The following SRP19 variants were observed in gnomAD, a reference collection of about 807,000 sequenced individuals.
SRP19 encodes the protein signal recognition particle 19.
A neutral mutation model predicts 22.4 loss-of-function variants in SRP19; 11 were observed. The ratio of observed to expected loss-of-function variants is 0.49; its 90% CI spans 0.31 to 0.81. The LOEUF (loss-of-function observed/expected upper bound fraction) is 0.81. Among genes scored for constraint, SRP19 ranks in the 40% least tolerant of loss-of-function variants. The pLI, the probability that SRP19 is intolerant of heterozygous loss-of-function variation, is 0.05. For synonymous variants in SRP19, 61 were observed against 57.6 expected (o/e 1.06, Z -0.27); for missense variants, 168 against 175.9 (o/e 0.96, Z 0.25).
chr5:112,892,018 G>T (rs1335347224), exon 5 of SRP19: 2 of 1,316,012 alleles, frequency 1.5e-6, no homozygotes, highest in South Asian at 2.3e-5. Context: ...GAGAGAAGAG[G>T]AGGAGCAGAA....
intron 4 of SRP19, chr5:112,877,775 G>C (rs1767942655): frequency 6.6e-6 from 1 of 152,158 alleles, no homozygotes; most frequent in African/African-American, 2.4e-5. Flanking sequence ...CATGTAATCA[G>C]AGGTGGACAA....
rs1561640069 is a variant in SRP19, at chr5:112,867,488, T to G, written c.386T>G (p.Leu129Arg). Residue 129 changes from leucine to arginine, a missense_variant, in exon 5 of 5, where the codon CTT becomes CGT. By Grantham distance (102) the Leu-to-Arg change is moderately radical. Transcript: ENST00000505459. ...TQKTGGADQS[L>R]QQGEGSKKGK... ...AAAACAGGAGGTGCTGACCAAAGTC[T>G]TCAACAAGGAGAGGGAAGTAAAAAA... The G allele has an allele frequency of 6.2e-7, 1 of 1,613,676 alleles. No homozygotes were observed. Among genetic ancestry groups the G allele is most frequent in the East Asian group, 2.2e-5 (1 of 44,832 alleles).
exon 5 of SRP19, chr5:112,892,173 C>T: frequency 6.2e-7 from 1 of 1,614,210 alleles, no homozygotes; most frequent in East Asian, 2.2e-5. Context: ...CTAATTGTCC[C>T]TTCTACAGTA....
chr5:112,882,619 C>T (rs73220063), intron 4 of SRP19, among the ~76,000 whole-genome samples: 9,314 of 152,242 alleles, frequency 0.061, 702 homozygotes, highest in African/African-American at 0.18. Flanking sequence ...TCCATTTACT[C>T]TCCAACTGTC....
chr5:112,873,040 C>A (rs1367642288), downstream of SRP19, among the ~76,000 whole-genome samples: 1 of 149,668 alleles, frequency 6.7e-6, no homozygotes, highest in Non-Finnish European at 1.5e-5. Context: ...TTATCATGAT[C>A]CTGGTTCCAG....
intron 4 of SRP19, 83 bp downstream of exon 4, chr5:112,864,815 A>G (rs540913538): frequency 9.4e-6 from 10 of 1,062,830 alleles, no homozygotes; most frequent in Non-Finnish European, 1.1e-5. Context: ...ACTGAAAGGT[A>G]AAAGTCAGAA....
chr5:112,871,335 GTCTC>G (rs1337095411), downstream of SRP19, among the ~76,000 whole-genome samples: 1 of 146,266 alleles, frequency 6.8e-6, no homozygotes, highest in Non-Finnish European at 1.5e-5. Flanking sequence ...TTTGAGACAG[GTCTC>G]TCTTTTTCAC....
rs73789238 is a variant in SRP19 at position 112,884,139 on chromosome 5, T to A, written c.302-7464T>A. ...GCATCTTATTAAAACACAGGACAGA[T>A]CATTTTGCTTCTGTGGTTAAAAGTC... is the stretch of plus-strand genomic sequence containing the variant. On this transcript the variant is annotated intron_variant, in intron 4 of 4. Coordinates refer to the SRP19 transcript ENST00000391338. Among the ~76,000 whole-genome samples, 1,135 of 152,286 alleles carry A rather than the reference T, an allele frequency of 7.5e-3. 11 individuals are homozygous for A. Among genetic ancestry groups the A allele is most frequent in the African/African-American group, 0.026 (1,065 of 41,554 alleles).
At chr5:112,884,782 C>G (rs1027212023) in intron 4 of SRP19, among the ~76,000 whole-genome samples, 4 of 151,498 alleles carry the variant, frequency 2.6e-5, no homozygotes, top group South Asian at 2.1e-4. Context: ...GTCCTTGGCC[C>G]CCCCCCATCT....
chr5:112,891,948 A>G (rs1302335893), exon 5 of SRP19: 2 of 1,254,840 alleles, frequency 1.6e-6, no homozygotes, highest in Admixed American at 1.7e-5. Context: ...CGGCTAAAAA[A>G]TGGCTAGAAG....
Position 112,868,461 on chromosome 5 carries a change from C to A in SRP19, c.*924C>A. The A allele has an allele frequency of 1.2e-6, 1 of 830,638 alleles. No individual in the cohort carries two copies. The allele number at this position is 830,638 out of a possible 1,614,324, so 51.5% of individuals were successfully genotyped here. On this transcript the variant is annotated 3_prime_UTR_variant, in exon 5 of 5. Transcript: ENST00000505459. ...TGTTGCCTAGGCTGGAGTGCAATGG[C>A]ACGATATCGGCGTACCACAACCTCT... is the stretch of plus-strand genomic sequence containing the variant.
At chr5:112,893,669 C>G (rs193174669), downstream of SRP19, 1 of 152,454 alleles carries the variant, frequency 6.6e-6, no homozygotes, top group Non-Finnish European at 1.5e-5. Flanking sequence ...CTAGTAGTCT[C>G]GCTACACATG....
At chr5:112,862,055 T>C (rs1767419395) in intron 1 of SRP19, among the ~76,000 whole-genome samples, 1 of 152,050 alleles carries the variant, frequency 6.6e-6, no homozygotes, top group Non-Finnish European at 1.5e-5. Flanking sequence ...ATCTGTTGAG[T>C]GTAGTTGTCC....
downstream of SRP19, among the ~76,000 whole-genome samples, chr5:112,873,257 G>A (rs1561642167): frequency 2.6e-5 from 3 of 114,188 alleles, no homozygotes; most frequent in South Asian, 8.8e-4. Context: ...CTGCTGGTCT[G>A]ATCCTCAGGT....
intron 4 of SRP19, chr5:112,877,278 A>T (rs1219716942): frequency 3.9e-5 from 6 of 152,162 alleles, no homozygotes; most frequent in Non-Finnish European, 8.8e-5. Context: ...CCTGATTGTT[A>T]TCTCAAGGTG....
At chr5:112,875,178 CTT>C (rs1767866355) in intron 4 of SRP19, among the ~76,000 whole-genome samples, 1 of 152,180 alleles carries the variant, frequency 6.6e-6, no homozygotes, top group Admixed American at 6.5e-5. Flanking sequence ...GCCAGGAAAA[CTT>C]TTAATATCCT....
chr5:112,890,347 A>G (rs977045063), intron 4 of SRP19, among the ~76,000 whole-genome samples: 2 of 146,862 alleles, frequency 1.4e-5, no homozygotes, highest in Non-Finnish European at 2.9e-5. Context: ...AGAATACAGA[A>G]TAAAGAACAC....
At chr5:112,892,363 C>G in exon 5 of SRP19, 2 of 1,614,112 alleles carry the variant, frequency 1.2e-6, no homozygotes, top group East Asian at 2.2e-5. Context: ...CCAACAGTTC[C>G]TAGATTTCTA....
downstream of SRP19, chr5:112,894,029 A>C (rs1309413528): frequency 6.6e-6 from 1 of 152,144 alleles, no homozygotes; most frequent in African/African-American, 2.4e-5. Context: ...TCCTTGGCAT[A>C]GTGCCAGTTA....
Sources: gnomAD v4.1 joint callset for allele counts (sites outside exome capture counted in the v4.1 genomes callset) on GRCh38, gnomAD v4.1.1 for gene constraint, MANE v1.5 for transcripts, NCBI Gene and HGNC (gene_info 2026-07-23, HGNC 2026-07-21) for gene names.